Variants in NFS1 observed in about 807,000 individuals in gnomAD.
NFS1 encodes the protein cysteine desulfurase.
Under a neutral mutation model 57.3 loss-of-function variants are expected in NFS1, and 26 were observed. The observed-to-expected ratio is 0.45, with a 90% confidence interval of 0.33 to 0.63. The LOEUF (loss-of-function observed/expected upper bound fraction) is 0.63. Among genes scored for constraint, NFS1 ranks in the 20% least tolerant of loss-of-function variants. The pLI is 0.02. For missense variants in NFS1, 505 were observed against 605.8 expected, an observed-to-expected ratio of 0.83 and a Z score of 1.75; for synonymous variants, 209 against 216.3, an observed-to-expected ratio of 0.97 and a Z score of 0.30.
chr20:35,693,715 G>C (rs2035082519), intron 4 of NFS1, among the ~76,000 whole-genome samples: 1 of 152,114 alleles, frequency 6.6e-6, no homozygotes, highest in Non-Finnish European at 1.5e-5. Context: ...TGTAAAACCA[G>C]CACTTCGGTT....
chr20:35,697,836 C>T (rs1335971054), intron 2 of NFS1, 36 bp from the exon 3 acceptor site: 1 of 1,467,110 alleles, frequency 6.8e-7, no homozygotes, highest in Non-Finnish European at 9.5e-7. Context: ...TCCTTGAGCG[C>T]ATCGTCAATT....
chr20:35,678,146 A>G lies in NFS1; in HGVS notation c.790+2591T>C, dbSNP rs546183753. Reference sequence around the variant, plus strand: ...GGGCAGATCATGAGGTCAGGAGATCAAAACCATCCTGGCTAACACAGTGAA... The same window carrying G: ...GGGCAGATCATGAGGTCAGGAGATCGAAACCATCCTGGCTAACACAGTGAA... On this transcript the variant is annotated intron_variant, in intron 7 of 12. Coordinates refer to ENST00000374092, the MANE Select transcript of NFS1 (RefSeq NM_021100.5). Among the ~76,000 whole-genome samples, 26 of 151,724 alleles carry G rather than the reference A, an allele frequency of 1.7e-4. No individual in the cohort carries two copies. The East Asian group carries it at 4.9e-3, about 28-fold the overall frequency.
chr20:35,684,270 G>A (rs1188002942), intron 5 of NFS1, among the ~76,000 whole-genome samples: 1 of 151,830 alleles, frequency 6.6e-6, no homozygotes, highest in African/African-American at 2.4e-5. Flanking sequence ...CAGGCGTGGT[G>A]GCGGGCGCCT....
chr20:35,672,745 A>G lies in NFS1; in HGVS notation c.1310+10T>C, dbSNP rs2034677727. The stretch of plus-strand genomic sequence containing the variant: ...TTTCTTCCAAAGCGTCTCTGATACA[A>G]TATGTATACCTCATTTCTCGAAGAC... On this transcript the variant is annotated intron_variant, in intron 12 of 12. Coordinates refer to ENST00000374092, the MANE Select transcript of NFS1 (RefSeq NM_021100.5). 1.3e-6 allele frequency: 2 copies of G among 1,573,994 alleles called. No homozygotes were observed. Among genetic ancestry groups the G allele is most frequent in the Non-Finnish European group, 1.7e-6 (2 of 1,143,340 alleles).
intron 7 of NFS1, among the ~76,000 whole-genome samples, chr20:35,680,451 T>C (rs2034829184): frequency 6.6e-6 from 1 of 152,220 alleles, no homozygotes; most frequent in Admixed American, 6.5e-5. Context: ...TCTAGATAAA[T>C]TTGATTTGAC....
chr20:35,674,748 G>A, intron 8 of NFS1, 131 bp from the exon 9 acceptor site: 1 of 753,120 alleles, frequency 1.3e-6, no homozygotes. Flanking sequence ...TACTCATGGG[G>A]ACCACTGTAT....
At position 35,684,750 on chromosome 20, in the gene NFS1, CAATAAAAAATA is replaced by C. The variant is rs1210274696; in HGVS notation, c.562-2780_562-2770del. The stretch of plus-strand genomic sequence containing the variant: ...GTGTGACAGAGCAAGACTCCCATCT[CAATAAAAAATA>C]AATAAAAAATAAATAAATATAGCTG... On this transcript the variant is annotated intron_variant, in intron 5 of 12. Coordinates refer to ENST00000374092, the MANE Select transcript of NFS1 (RefSeq NM_021100.5). Among the ~76,000 whole-genome samples the C allele has an allele frequency of 4.0e-5, 6 of 151,482 alleles. No individual in the cohort carries two copies. The East Asian group carries it at 7.8e-4, about 20-fold the overall frequency.
chr20:35,697,219 C>T (rs1290079099), intron 3 of NFS1, among the ~76,000 whole-genome samples: 3 of 152,004 alleles, frequency 2.0e-5, no homozygotes, highest in Admixed American at 1.3e-4. Flanking sequence ...ATCACTTGAA[C>T]CCGGGAGGCA....
rs2034605451 is a variant in NFS1 at position 35,668,731 on chromosome 20, T to G, written c.*891A>C. ...TTTATTTGTTTAATTATTTTCCATC[T>G]CTCCACTAAAATTTAAAACTCAGTG... is the stretch of plus-strand genomic sequence containing the variant. On this transcript the variant is annotated 3_prime_UTR_variant, in exon 13 of 13. Coordinates refer to ENST00000374092, the MANE Select transcript of NFS1 (RefSeq NM_021100.5). 1 of 152,218 alleles carries G rather than the reference T, an allele frequency of 6.6e-6. No homozygotes were observed. Among genetic ancestry groups the G allele is most frequent in the Non-Finnish European group, 1.5e-5 (1 of 68,050 alleles). 9.4% of individuals were successfully genotyped at this position (152,218 alleles called of 1,614,324 possible).
chr20:35,672,858 C>A lies in NFS1; in HGVS notation c.1221-14G>T, dbSNP rs2034680019. 1 of 1,547,572 alleles carries A rather than the reference C, an allele frequency of 6.5e-7. No individual in the cohort carries two copies. The highest frequency in any genetic ancestry group is 1.2e-5 in the South Asian group (1 of 85,872). On this transcript the variant is annotated splice_polypyrimidine_tract_variant and intron_variant, in intron 11 of 12. Coordinates refer to ENST00000374092, the MANE Select transcript of NFS1 (RefSeq NM_021100.5). ...CCAATTCCAAACCTGAAAAAAGGCA[C>A]AGGAGAATGGCTCCCCATCAGAGCT...
chr20:35,689,315 C>CT (rs2034999815), intron 5 of NFS1, among the ~76,000 whole-genome samples: 1 of 152,226 alleles, frequency 6.6e-6, no homozygotes, highest in Middle Eastern at 3.4e-3. Flanking sequence ...TGGTGAAACT[C>CT]TGTCTCTACT....
At chr20:35,696,115 A>G (rs1218835845) in intron 4 of NFS1, among the ~76,000 whole-genome samples, 1 of 152,210 alleles carries the variant, frequency 6.6e-6, no homozygotes, top group Non-Finnish European at 1.5e-5. Context: ...ACAAAAAAAA[A>G]ACAAGTGGTT....
At chr20:35,677,913 T>C (rs966429275) in intron 7 of NFS1, among the ~76,000 whole-genome samples, 15 of 151,994 alleles carry the variant, frequency 9.9e-5, no homozygotes, top group Admixed American at 3.3e-4. Context: ...AAAACTGTTT[T>C]AAAAATTAGC....
At chr20:35,682,181 T>C (rs2034858792) in intron 5 of NFS1, among the ~76,000 whole-genome samples, 200 bp from the exon 6 acceptor site, 1 of 152,212 alleles carries the variant, frequency 6.6e-6, no homozygotes, top group Non-Finnish European at 1.5e-5. Flanking sequence ...GGAATGTAAA[T>C]ATCACAGCCA....
chr20:35,692,333 C>A, intron 4 of NFS1: 2 of 233,396 alleles, frequency 8.6e-6, no homozygotes, highest in Non-Finnish European at 8.7e-6. Flanking sequence ...GAGATCATGC[C>A]CCTACACTCT....
chr20:35,673,056 G>C (rs2034683876), intron 11 of NFS1, among the ~76,000 whole-genome samples: 1 of 152,194 alleles, frequency 6.6e-6, no homozygotes, highest in African/African-American at 2.4e-5. Context: ...GGGAGGCCAA[G>C]GTGGACAGAT....
At chr20:35,685,101 A>C (rs1294317340) in intron 5 of NFS1, among the ~76,000 whole-genome samples, 1 of 151,512 alleles carries the variant, frequency 6.6e-6, no homozygotes, top group Non-Finnish European at 1.5e-5. Flanking sequence ...TGGCCAGGCT[A>C]GTCTCGAACT....
At chr20:35,691,889 A>G (rs2035047247) in intron 4 of NFS1, among the ~76,000 whole-genome samples, 1 of 151,894 alleles carries the variant, frequency 6.6e-6, no homozygotes, top group Non-Finnish European at 1.5e-5. Context: ...TCTCTACTAA[A>G]AATACAAAAA....
At chr20:35,681,850 A>C in intron 6 of NFS1, 38 bp downstream of exon 6, 1 of 1,188,768 alleles carries the variant, frequency 8.4e-7, no homozygotes. Context: ...ACAGAGCCCC[A>C]TGGTGGGCAG....
Sources: allele counts gnomAD v4.1 joint callset (sites outside exome capture counted in the v4.1 genomes callset), GRCh38; gene constraint gnomAD v4.1.1; transcripts MANE v1.5; gene names NCBI Gene and HGNC (gene_info 2026-07-23, HGNC 2026-07-21).